CRPPA: variants seen among roughly 807,000 people sequenced by gnomAD.
CRPPA encodes CDP-L-ribitol pyrophosphorylase A, also known as D-ribitol-5-phosphate cytidylyltransferase.
In CRPPA, 43 loss-of-function variants were observed where a neutral mutation model predicts 52.0. The ratio of observed to expected loss-of-function variants is 0.83; its 90% CI spans 0.65 to 1.07. CRPPA has a LOEUF of 1.07. Among genes scored for constraint, CRPPA ranks in the 50% least tolerant of loss-of-function variants. The probability of loss-of-function intolerance (pLI) is 0.00; values close to 1 mark genes in which losing one functional copy is unlikely to be tolerated. For synonymous variants in CRPPA, 250 were observed against 203.5 expected (o/e 1.23, Z -1.94); for missense variants, 629 against 551.7 (o/e 1.14, Z -1.40).
chr7:16,281,150 T>C (rs1171883860), intron 5 of CRPPA, among the ~76,000 whole-genome samples: 5 of 152,192 alleles, frequency 3.3e-5, no homozygotes, highest in Admixed American at 3.3e-4. Context: ...AAAACATCTG[T>C]TGAGTTTGGT....
intron 3 of CRPPA, among the ~76,000 whole-genome samples, chr7:16,338,305 T>A (rs1785737857): frequency 1.3e-5 from 2 of 152,222 alleles, no homozygotes; most frequent in Admixed American, 1.3e-4. Flanking sequence ...ATGATCTTGA[T>A]ACATGCAGAA....
intron 3 of CRPPA, among the ~76,000 whole-genome samples, chr7:16,312,988 A>C (rs953456671): frequency 6.6e-6 from 1 of 151,898 alleles, no homozygotes; most frequent in Non-Finnish European, 1.5e-5. Flanking sequence ...TTTGATAAGG[A>C]CCATGACATC....
chr7:16,170,630 C>T (rs1301797349), intron 9 of CRPPA, among the ~76,000 whole-genome samples: 1 of 152,182 alleles, frequency 6.6e-6, no homozygotes, highest in Non-Finnish European at 1.5e-5. Context: ...GGGCAGCTTG[C>T]TTTTATTACC....
chr7:16,316,207 G>A (rs1290301980), intron 3 of CRPPA, among the ~76,000 whole-genome samples: 1 of 152,092 alleles, frequency 6.6e-6, no homozygotes, highest in Non-Finnish European at 1.5e-5. Flanking sequence ...AGCTGTGCAG[G>A]TGGCAGAATA....
At chr7:16,233,540 T>G (rs1166746916) in intron 8 of CRPPA, among the ~76,000 whole-genome samples, 1 of 152,086 alleles carries the variant, frequency 6.6e-6, no homozygotes, top group African/African-American at 2.4e-5. Flanking sequence ...AAATCAAACT[T>G]CTAGAGAGGA....
chr7:16,323,132 A>G (rs1336437466), intron 3 of CRPPA, among the ~76,000 whole-genome samples: 1 of 152,118 alleles, frequency 6.6e-6, no homozygotes, highest in East Asian at 1.9e-4. Flanking sequence ...ACATAGCCAA[A>G]CCATACGAAA....
intron 9 of CRPPA, among the ~76,000 whole-genome samples, chr7:16,093,069 A>T (rs1001285588): frequency 6.6e-6 from 1 of 152,200 alleles, no homozygotes; most frequent in South Asian, 2.1e-4. Context: ...AAGTGACTCT[A>T]TGTTTCCACA....
In CRPPA at chr7:16,117,081, T is replaced by C. The variant is rs7803005; in HGVS notation, c.1252-25282A>G. 5.8e-3 allele frequency among the ~76,000 whole-genome samples: 890 copies of C among 152,356 alleles called. 15 individuals are homozygous for C. The highest frequency in any genetic ancestry group is 0.021 in the African/African-American group (854 of 41,584). Reference sequence around the variant, plus strand: ...GACTTCCACATGTATTTTTCTGATATAGACCTTATATACAGATTTTTCCCT... The same window carrying C: ...GACTTCCACATGTATTTTTCTGATACAGACCTTATATACAGATTTTTCCCT... On this transcript the variant is annotated intron_variant, in intron 9 of 9. Coordinates refer to ENST00000407010, the MANE Select transcript of CRPPA (RefSeq NM_001101426.4).
intron 5 of CRPPA, among the ~76,000 whole-genome samples, chr7:16,279,077 A>C (rs757731894): frequency 3.3e-5 from 5 of 152,214 alleles, no homozygotes; most frequent in Non-Finnish European, 7.3e-5. Flanking sequence ...GCTGCCAGTT[A>C]AAGAGCCATT....
chr7:16,383,703 G>A (rs1787177455), intron 2 of CRPPA, among the ~76,000 whole-genome samples: 1 of 152,228 alleles, frequency 6.6e-6, no homozygotes, highest in South Asian at 2.1e-4. Flanking sequence ...GCAATGGCAG[G>A]CGCCCCTCCC....
chr7:16,163,167 G>T (rs1371639651), intron 9 of CRPPA, among the ~76,000 whole-genome samples: 1 of 151,410 alleles, frequency 6.6e-6, no homozygotes, highest in Non-Finnish European at 1.5e-5. Context: ...GTAGAGACAG[G>T]GTTTCACCAT....
intron 3 of CRPPA, among the ~76,000 whole-genome samples, chr7:16,314,973 ATTCCT>A (rs1785114184): frequency 6.6e-6 from 1 of 151,980 alleles, no homozygotes; most frequent in Non-Finnish European, 1.5e-5. Context: ...TACTGCTTCC[ATTCCT>A]TTCTTCTTCT....
intron 3 of CRPPA, among the ~76,000 whole-genome samples, chr7:16,327,252 C>T (rs2128428827): frequency 6.6e-6 from 1 of 152,270 alleles, no homozygotes; most frequent in South Asian, 2.1e-4. Flanking sequence ...AGGAACATGG[C>T]TGGCCCTCAC....
intron 2 of CRPPA, among the ~76,000 whole-genome samples, chr7:16,399,252 G>C (rs112252035): frequency 1.8e-4 from 28 of 152,252 alleles, no homozygotes; most frequent in African/African-American, 6.5e-4. Flanking sequence ...GAATCGCACA[G>C]GTCCAACATG....
intron 5 of CRPPA, among the ~76,000 whole-genome samples, chr7:16,298,948 G>C (rs1784730110): frequency 6.6e-6 from 1 of 152,210 alleles, no homozygotes; most frequent in African/African-American, 2.4e-5. Flanking sequence ...CTTTGGGTTT[G>C]TACTGGAACT....
At position 16,149,194 on chromosome 7, in the gene CRPPA, G is replaced by T. The variant is rs190079747; in HGVS notation, c.1252-57395C>A. On this transcript the variant is annotated intron_variant, in intron 9 of 9. Coordinates refer to ENST00000407010, the MANE Select transcript of CRPPA (RefSeq NM_001101426.4). ...AGCCAAGTTATTAGTGCTTTGGAAG[G>T]AACTGGGTTGACTCAGATTCTATGG... 1.8e-4 allele frequency among the ~76,000 whole-genome samples: 27 copies of T among 152,204 alleles called. No homozygotes were observed. In the East Asian group the frequency reaches 4.6e-3, roughly 26 times the overall value.
chr7:16,265,700 A>T (rs543015000), intron 6 of CRPPA, among the ~76,000 whole-genome samples: 1 of 152,200 alleles, frequency 6.6e-6, no homozygotes, highest in Admixed American at 6.5e-5. Flanking sequence ...CCTTTAAAAC[A>T]TATCTCCATT....
At chr7:16,355,170 GT>G (rs1786262640) in intron 3 of CRPPA, among the ~76,000 whole-genome samples, 1 of 152,114 alleles carries the variant, frequency 6.6e-6, no homozygotes, top group Non-Finnish European at 1.5e-5. Context: ...AACTTATCTT[GT>G]TTTTGCCATT....
chr7:16,115,925 T>A (rs1424616366), intron 9 of CRPPA, among the ~76,000 whole-genome samples: 1 of 152,106 alleles, frequency 6.6e-6, no homozygotes, highest in Non-Finnish European at 1.5e-5. Flanking sequence ...AAGGTAAAGA[T>A]CTTTATTGGA....
Sources: allele counts gnomAD v4.1 joint callset (sites outside exome capture counted in the v4.1 genomes callset), GRCh38; gene constraint gnomAD v4.1.1; transcripts MANE v1.5; gene names NCBI Gene and HGNC (gene_info 2026-07-23, HGNC 2026-07-21).